DDI2: variants seen among roughly 807,000 people sequenced by gnomAD.
The protein encoded by DDI2 is protein DDI1 homolog 2.
DDI2 carries 5 observed loss-of-function variants against 48.1 expected under a neutral mutation model. That is an observed-to-expected ratio of 0.10 (90% CI 0.05 to 0.22). The LOEUF (loss-of-function observed/expected upper bound fraction) is 0.22. Ranked by LOEUF, DDI2 falls within the 10% of genes least tolerant of loss-of-function variation. The pLI is 1.00. For missense variants in DDI2, 285 were observed against 506.2 expected, an observed-to-expected ratio of 0.56 and a Z score of 4.19; for synonymous variants, 205 against 183.6, an observed-to-expected ratio of 1.12 and a Z score of -0.94.
At chr1:15,651,647 G>C (rs1315425784) in intron 7 of DDI2, 59 bp from the exon 8 acceptor site, 1 of 1,481,964 alleles carries the variant, frequency 6.7e-7, no homozygotes, top group Non-Finnish European at 9.1e-7. Flanking sequence ...AAATTAAGGA[G>C]CATAATTTTT....
At chr1:15,636,960 G>T (rs1263744910) in intron 4 of DDI2, among the ~76,000 whole-genome samples, 1 of 152,166 alleles carries the variant, frequency 6.6e-6, no homozygotes, top group Non-Finnish European at 1.5e-5. Context: ...ACCAACCCTG[G>T]ATTTACAGTG....
intron 1 of DDI2, among the ~76,000 whole-genome samples, chr1:15,623,482 C>G (rs962501540): frequency 2.0e-5 from 3 of 148,092 alleles, no homozygotes; most frequent in Non-Finnish European, 4.4e-5. Context: ...CAACCTCGAA[C>G]TCCTGGGCTC....
Position 15,660,075 on chromosome 1 carries a change from A to C in DDI2, c.*285A>C. The C allele has an allele frequency of 6.2e-7, 1 of 1,613,950 alleles. No individual in the cohort carries two copies. The stretch of plus-strand genomic sequence containing the variant: ...AATTCCAGCTAAACTCTGAAAAGAA[A>C]GAACATCTTTCTTTACAAGATCTTT... On this transcript the variant is annotated 3_prime_UTR_variant, in exon 10 of 10. Transcript: ENST00000480945.
Position 15,651,558 on chromosome 1 carries a change from A to T in DDI2, c.994-148A>T, listed in dbSNP as rs1353133117. 1.0e-5 allele frequency: 6 copies of T among 595,724 alleles called. 1 individual carries two copies. In the Admixed American group the frequency reaches 2.1e-4, roughly 21 times the overall value. The allele number at this position is 595,724 out of a possible 1,614,324, so 36.9% of individuals were successfully genotyped here. On this transcript the variant is annotated intron_variant, in intron 7 of 9. Coordinates refer to ENST00000480945, the MANE Select transcript of DDI2 (RefSeq NM_032341.5). ...GGTCTGGAACTCCTGACCTCAGGTG[A>T]TCTGCCCTCCTCAGCCTCCCAAAGT...
intron 8 of DDI2, among the ~76,000 whole-genome samples, chr1:15,655,436 T>G (rs1185936818): frequency 2.1e-5 from 3 of 145,446 alleles, no homozygotes; most frequent in Admixed American, 6.8e-5. Flanking sequence ...CTGGGCAGCA[T>G]GGCAAAACAC....
At chr1:15,631,946 C>T (rs1437362364) in intron 3 of DDI2, among the ~76,000 whole-genome samples, 1 of 151,988 alleles carries the variant, frequency 6.6e-6, no homozygotes, top group East Asian at 1.9e-4. Context: ...GCTGGGACTA[C>T]AGGCGTGCAC....
intron 1 of DDI2, among the ~76,000 whole-genome samples, chr1:15,619,476 T>C (rs1266539120): frequency 1.4e-5 from 2 of 148,096 alleles, no homozygotes; most frequent in African/African-American, 2.6e-5. Flanking sequence ...TTTTCTTTTT[T>C]TTTTTTCGAG....
intron 9 of DDI2, 45 bp downstream of exon 9, chr1:15,656,724 G>A: frequency 6.2e-7 from 1 of 1,611,104 alleles, no homozygotes; most frequent in Non-Finnish European, 8.5e-7. Flanking sequence ...GTTGTCATCT[G>A]TGATCTGACA....
intron 1 of DDI2, among the ~76,000 whole-genome samples, chr1:15,621,675 C>T (rs992232688): frequency 2.6e-5 from 4 of 151,990 alleles, no homozygotes; most frequent in Non-Finnish European, 5.9e-5. Context: ...CGTGAGCCAC[C>T]GCATCCGGCC....
chr1:15,632,508 G>A (rs1639860916), intron 3 of DDI2, among the ~76,000 whole-genome samples: 1 of 151,972 alleles, frequency 6.6e-6, no homozygotes, highest in Admixed American at 6.6e-5. Flanking sequence ...TCCCCAGCCT[G>A]GGCAACAAGA....
chr1:15,650,299 C>G (rs1272833625), intron 7 of DDI2, among the ~76,000 whole-genome samples: 1 of 152,156 alleles, frequency 6.6e-6, no homozygotes, highest in African/African-American at 2.4e-5. Context: ...TGATATTTAT[C>G]TTTCTACTCT....
Position 15,660,215 on chromosome 1 carries a change from GA to G in DDI2, c.*427del. 1 of 1,614,188 alleles carries G rather than the reference GA, an allele frequency of 6.2e-7. No individual in the cohort carries two copies. The highest frequency in any genetic ancestry group is 8.5e-7 in the Non-Finnish European group (1 of 1,180,036). Reference sequence around the variant, plus strand: ...GGTAATCTGGAGAAATCTGCTGAAAGAAGCACCCAGGGCCTCAAATTTCATC... The same window carrying G: ...GGTAATCTGGAGAAATCTGCTGAAAGAGCACCCAGGGCCTCAAATTTCATC... On this transcript the variant is annotated 3_prime_UTR_variant, in exon 10 of 10. Coordinates refer to ENST00000480945, the MANE Select transcript of DDI2 (RefSeq NM_032341.5).
intron 1 of DDI2, 77 bp downstream of exon 1, chr1:15,617,885 A>G (rs1157019513): frequency 2.8e-6 from 4 of 1,422,452 alleles, no homozygotes; most frequent in Admixed American, 2.5e-5. Flanking sequence ...TCCCTTTGCT[A>G]CTGGTGAAGA....
rs753360708 is a variant in DDI2, at chr1:15,617,631, G to GGCCGGGCCGA, written c.-35_-26dup. ...CCTCTTCCCCTGCGCCCCGCGCCCA[G>GGCCGGGCCGA]GCCGGGCCGAGCCGAGCCGAGCCGG... On this transcript the variant is annotated 5_prime_UTR_variant, in exon 1 of 10. Transcript: ENST00000480945. 2.3e-6 allele frequency: 3 copies of GGCCGGGCCGA among 1,330,668 alleles called. No individual in the cohort carries two copies. Among genetic ancestry groups the GGCCGGGCCGA allele is most frequent in the South Asian group, 4.0e-5 (2 of 49,936 alleles). 82.4% of individuals were successfully genotyped at this position (1,330,668 alleles called of 1,614,324 possible).
chr1:15,634,539 C>CTTTTTTTTTTTTTTTTTTTT lies in DDI2; in HGVS notation c.632+985_632+986insTTTTTTTTTTTTTTTTTTTT, dbSNP rs370728497. 3.3e-4 allele frequency among the ~76,000 whole-genome samples: 33 copies of CTTTTTTTTTTTTTTTTTTTT among 100,136 alleles called. 4 individuals are homozygous for CTTTTTTTTTTTTTTTTTTTT. Among genetic ancestry groups the CTTTTTTTTTTTTTTTTTTTT allele is most frequent in the African/African-American group, 5.4e-4 (12 of 22,176 alleles). 65.7% of individuals were successfully genotyped at this position (100,136 alleles called of 152,430 possible). A position where few individuals can be genotyped will look rare whatever the true frequency, so the allele number is the denominator to read the frequency against. ...TTTTTAAACTTCTTATTCTTTTTAT[C>CTTTTTTTTTTTTTTTTTTTT]TTTTTTTTTTTGAGACAAGGTCTCA... is the stretch of plus-strand genomic sequence containing the variant. On this transcript the variant is annotated intron_variant, in intron 4 of 9. Coordinates refer to ENST00000480945, the MANE Select transcript of DDI2 (RefSeq NM_032341.5).
At chr1:15,620,338 C>T (rs771512767) in intron 1 of DDI2, among the ~76,000 whole-genome samples, 1 of 152,148 alleles carries the variant, frequency 6.6e-6, no homozygotes, top group Non-Finnish European at 1.5e-5. Flanking sequence ...CCACCCTAGA[C>T]ACTTGAGTCA....
At chr1:15,626,545 G>A (rs1040214095) in intron 1 of DDI2, 124 bp from the exon 2 acceptor site, 2 of 1,367,424 alleles carry the variant, frequency 1.5e-6, no homozygotes, top group African/African-American at 1.5e-5. Flanking sequence ...TCTGGATGTG[G>A]TGGGAATCCA....
intron 9 of DDI2, among the ~76,000 whole-genome samples, chr1:15,658,352 G>A (rs1640303314): frequency 6.6e-6 from 1 of 151,622 alleles, no homozygotes. Flanking sequence ...GTTTCACCAC[G>A]TTGGCCAGGC....
At chr1:15,629,858 C>T (rs186727879) in intron 2 of DDI2, among the ~76,000 whole-genome samples, 19 of 151,568 alleles carry the variant, frequency 1.3e-4, no homozygotes, top group African/African-American at 4.4e-4. Flanking sequence ...CAGCCTCCTG[C>T]GTAGCTGGGA....
Sources: gnomAD v4.1 joint callset for allele counts (sites outside exome capture counted in the v4.1 genomes callset) on GRCh38, gnomAD v4.1.1 for gene constraint, MANE v1.5 for transcripts, NCBI Gene and HGNC (gene_info 2026-07-23, HGNC 2026-07-21) for gene names.